NCOA2: variants seen among roughly 807,000 people sequenced by gnomAD.
The protein encoded by NCOA2 is class E basic helix-loop-helix protein 75.
NCOA2 carries 21 observed loss-of-function variants against 145.1 expected under a neutral mutation model. That is an observed-to-expected ratio of 0.14 (90% confidence interval 0.10 to 0.21). The LOEUF is 0.21. NCOA2 is among the 10% of genes least tolerant of loss of function. The pLI, the probability that NCOA2 is intolerant of heterozygous loss-of-function variation, is 1.00. For synonymous variants in NCOA2, 619 were observed against 637.5 expected, an observed-to-expected ratio of 0.97 and a Z score of 0.44; for missense variants, 1,472 against 1,837.6, an observed-to-expected ratio of 0.80 and a Z score of 3.64.
At chr8:70,417,165 T>C in the NCOA2 span, among the ~76,000 whole-genome samples, 1 of 147,278 alleles carries the variant, frequency 6.8e-6, no homozygotes, top group African/African-American at 2.6e-5. Context: ...CCCAGAACTC[T>C]GGAAGGCTGA....
chr8:70,310,133 C>T (rs1828204993), intron 1 of NCOA2, among the ~76,000 whole-genome samples: 1 of 151,736 alleles, frequency 6.6e-6, no homozygotes, highest in African/African-American at 2.4e-5. Context: ...GAGTTCGAGA[C>T]CAGCAAGACC....
chr8:70,371,255 C>T (rs896487259), intron 1 of NCOA2, among the ~76,000 whole-genome samples: 5 of 152,018 alleles, frequency 3.3e-5, no homozygotes, highest in African/African-American at 1.2e-4. Flanking sequence ...CACCACTGCA[C>T]TCCAGCCTGG....
intron 1 of NCOA2, among the ~76,000 whole-genome samples, chr8:70,378,743 T>TAAAAAAA (rs10672044): frequency 2.7e-5 from 3 of 109,850 alleles, no homozygotes; most frequent in East Asian, 5.1e-4. Flanking sequence ...TAGGCTATGC[T>TAAAAAAA]AAAAAAAAAA....
At chr8:70,426,995 G>A in the NCOA2 span, among the ~76,000 whole-genome samples, 1 of 152,110 alleles carries the variant, frequency 6.6e-6, no homozygotes, top group African/African-American at 2.4e-5. Flanking sequence ...ATGTTGCACA[G>A]TCTGGTTTTG....
At chr8:70,442,411 T>C in the NCOA2 span, among the ~76,000 whole-genome samples, 1 of 152,236 alleles carries the variant, frequency 6.6e-6, no homozygotes, top group Non-Finnish European at 1.5e-5. Flanking sequence ...TTTGAAACTT[T>C]ATTTTCACCT....
intron 1 of NCOA2, among the ~76,000 whole-genome samples, chr8:70,386,703 C>A (rs1812704739): frequency 6.6e-6 from 1 of 152,092 alleles, no homozygotes; most frequent in African/African-American, 2.4e-5. Context: ...AGAATCCAAT[C>A]CCAGAAGACT....
chr8:70,124,201 A>G (rs975400395), intron 20 of NCOA2, 119 bp from the exon 21 acceptor site: 2 of 938,596 alleles, frequency 2.1e-6, no homozygotes, highest in Non-Finnish European at 3.2e-6. Flanking sequence ...AACTGCATGA[A>G]CCCAGGCTGA....
chr8:70,440,401 C>T, the NCOA2 span, among the ~76,000 whole-genome samples: 1 of 152,148 alleles, frequency 6.6e-6, no homozygotes, highest in East Asian at 1.9e-4. Flanking sequence ...GGTAAAACCC[C>T]GTCTCTAACA....
At chr8:70,124,555 G>T in intron 20 of NCOA2, 133 bp downstream of exon 20, 1 of 847,066 alleles carries the variant, frequency 1.2e-6, no homozygotes, top group South Asian at 2.3e-5. Context: ...GGAAGGCGGT[G>T]ACCTAGAAGC....
At chr8:70,307,354 C>G (rs2135947213) in intron 1 of NCOA2, among the ~76,000 whole-genome samples, 1 of 151,246 alleles carries the variant, frequency 6.6e-6, no homozygotes, top group South Asian at 2.1e-4. Flanking sequence ...GAAAAGAAGA[C>G]AATTCTGAAA....
At chr8:70,379,971 C>T (rs1234692695) in intron 1 of NCOA2, among the ~76,000 whole-genome samples, 1 of 151,964 alleles carries the variant, frequency 6.6e-6, no homozygotes, top group Non-Finnish European at 1.5e-5. Flanking sequence ...TGAGTATGAA[C>T]TTTATAAATA....
At chr8:70,268,291 C>T (rs1824773569) in intron 2 of NCOA2, among the ~76,000 whole-genome samples, 1 of 152,168 alleles carries the variant, frequency 6.6e-6, no homozygotes, top group African/African-American at 2.4e-5. Context: ...AGTCCACTGC[C>T]CATCTTTGAC....
At chr8:70,118,426 A>G (rs1807390003) in intron 22 of NCOA2, among the ~76,000 whole-genome samples, 1 of 152,128 alleles carries the variant, frequency 6.6e-6, no homozygotes, top group Non-Finnish European at 1.5e-5. Context: ...TGGCACCAGG[A>G]AAGACACCAG....
At chr8:70,123,821 A>G in intron 21 of NCOA2, 63 bp downstream of exon 21, 2 of 1,378,628 alleles carry the variant, frequency 1.5e-6, no homozygotes. Flanking sequence ...GATATATTTG[A>G]TGCAGAAGTA....
intron 1 of NCOA2, among the ~76,000 whole-genome samples, chr8:70,383,902 T>A (rs559367957): frequency 6.6e-6 from 1 of 152,224 alleles, no homozygotes; most frequent in Non-Finnish European, 1.5e-5. Flanking sequence ...TTATAAATAG[T>A]CTTCTCTGGT....
At chr8:70,227,543 C>A (rs1340341734) in intron 2 of NCOA2, among the ~76,000 whole-genome samples, 1 of 152,134 alleles carries the variant, frequency 6.6e-6, no homozygotes, top group African/African-American at 2.4e-5. Flanking sequence ...TTGGGGGGAC[C>A]TCTGAATCAT....
the NCOA2 span, among the ~76,000 whole-genome samples, chr8:70,411,373 G>C: frequency 6.6e-6 from 1 of 152,170 alleles, no homozygotes; most frequent in Non-Finnish European, 1.5e-5. Flanking sequence ...TGTGAAAAAT[G>C]CAAAGGAATC....
rs145022905 is a variant in NCOA2, at chr8:70,227,769, C to G, written c.-19-11005G>C. On this transcript the variant is annotated intron_variant, in intron 2 of 22. Transcript: ENST00000452400. ...GTGGCTCACACCTGTAATCCCAGCACTATGGGAGGCAGAGTGGGGTGGATC... is the reference window on the plus strand; with the variant it reads ...GTGGCTCACACCTGTAATCCCAGCAGTATGGGAGGCAGAGTGGGGTGGATC... Among the ~76,000 whole-genome samples, 849 of 152,198 alleles carry G rather than the reference C, an allele frequency of 5.6e-3. 10 individuals carry two copies. The highest frequency in any genetic ancestry group is 0.01 in the Middle Eastern group (3 of 294).
At chr8:70,287,611 A>G (rs1338530895) in intron 2 of NCOA2, among the ~76,000 whole-genome samples, 1 of 152,254 alleles carries the variant, frequency 6.6e-6, no homozygotes, top group Admixed American at 6.5e-5. Context: ...TAGAAAAGCT[A>G]AACACACATC....
Sources: allele counts gnomAD v4.1 joint callset (sites outside exome capture counted in the v4.1 genomes callset), GRCh38; gene constraint gnomAD v4.1.1; transcripts MANE v1.5; gene names NCBI Gene and HGNC (gene_info 2026-07-23, HGNC 2026-07-21).